Variants in RASEF observed in about 807,000 individuals in gnomAD.
RASEF encodes the protein ras and EF-hand domain-containing protein.
A neutral mutation model predicts 90.1 loss-of-function variants in RASEF; 68 were observed. That is an observed-to-expected ratio of 0.75 (90% CI 0.62 to 0.92). The LOEUF is 0.92. Ranked by LOEUF, RASEF falls within the 40% of genes least tolerant of loss-of-function variation. The pLI is 0.00. For synonymous variants in RASEF, 331 were observed against 345.2 expected, an observed-to-expected ratio of 0.96 and a Z score of 0.46; for missense variants, 949 against 937.2, an observed-to-expected ratio of 1.01 and a Z score of -0.16.
chr9:83,008,276 T>G (rs1368918724), intron 6 of RASEF, among the ~76,000 whole-genome samples: 1 of 152,224 alleles, frequency 6.6e-6, no homozygotes, highest in African/African-American at 2.4e-5. Context: ...CATTTCCTAA[T>G]TGTCTATAGG....
chr9:83,009,606 TACTC>T, intron 6 of RASEF, 31 bp downstream of exon 6: 1 of 1,251,646 alleles, frequency 8.0e-7, no homozygotes, highest in Non-Finnish European at 1.2e-6. Context: ...CTCAATATTC[TACTC>T]AAACTAACAA....
chr9:83,116,548 T>G, the RASEF span, among the ~76,000 whole-genome samples: 116 of 152,284 alleles, frequency 7.6e-4, no homozygotes, highest in Middle Eastern at 6.8e-3. Context: ...ATAATCAAAG[T>G]AGGCTGTAAG....
chr9:83,045,246 A>G (rs533781178), intron 1 of RASEF, among the ~76,000 whole-genome samples: 1 of 152,242 alleles, frequency 6.6e-6, no homozygotes, highest in African/African-American at 2.4e-5. Context: ...TCTAACTAAT[A>G]CAAGTGTCTT....
chr9:83,078,922 A>T, the RASEF span, among the ~76,000 whole-genome samples: 1 of 152,040 alleles, frequency 6.6e-6, no homozygotes, highest in Non-Finnish European at 1.5e-5. Context: ...TGTAAATTTG[A>T]TAAGTTCCTT....
chr9:83,038,227 G>C (rs1829777741), intron 1 of RASEF, among the ~76,000 whole-genome samples: 1 of 152,082 alleles, frequency 6.6e-6, no homozygotes, highest in African/African-American at 2.4e-5. Flanking sequence ...TAAAGACATA[G>C]AACCTGTGAC....
the RASEF span, among the ~76,000 whole-genome samples, chr9:83,092,003 C>CCTT: frequency 1.9e-4 from 7 of 35,926 alleles, no homozygotes; most frequent in Admixed American, 3.1e-3. Flanking sequence ...TCTTTTATTT[C>CCTT]TTTTTTTTTT....
chr9:83,101,497 TG>T, the RASEF span, among the ~76,000 whole-genome samples: 1 of 152,250 alleles, frequency 6.6e-6, no homozygotes, highest in East Asian at 1.9e-4. Flanking sequence ...TAAAGTTACT[TG>T]AACAATATTT....
chr9:83,043,286 A>G (rs1829872544), intron 1 of RASEF, among the ~76,000 whole-genome samples: 1 of 152,200 alleles, frequency 6.6e-6, no homozygotes, highest in Non-Finnish European at 1.5e-5. Context: ...ACAAGCTCAC[A>G]AACATCATGG....
chr9:83,192,030 G>C, the RASEF span, among the ~76,000 whole-genome samples: 1 of 152,096 alleles, frequency 6.6e-6, no homozygotes. Flanking sequence ...AGTCAGAATG[G>C]CCATTATTGA....
the RASEF span, among the ~76,000 whole-genome samples, chr9:83,145,266 T>C: frequency 2.0e-5 from 3 of 152,164 alleles, no homozygotes; most frequent in Non-Finnish European, 4.4e-5. Flanking sequence ...TCCATGTCTC[T>C]GGAGTGGAGT....
intron 1 of RASEF, among the ~76,000 whole-genome samples, chr9:83,045,707 T>C (rs1482510440): frequency 6.6e-6 from 1 of 152,224 alleles, no homozygotes; most frequent in Non-Finnish European, 1.5e-5. Flanking sequence ...AGGACTTCTC[T>C]GCCATAATGC....
the RASEF span, among the ~76,000 whole-genome samples, chr9:83,164,626 A>G: frequency 1.3e-5 from 2 of 151,014 alleles, no homozygotes; most frequent in Non-Finnish European, 3.0e-5. Context: ...AAAAAAAAAG[A>G]AGGCAAAACA....
the RASEF span, among the ~76,000 whole-genome samples, chr9:83,128,848 C>A: frequency 2.8e-4 from 42 of 152,266 alleles, 1 homozygote; most frequent in East Asian, 7.6e-3. Context: ...GGTAGCATGG[C>A]CGAGTGAGGC....
chr9:83,058,945 C>T (rs1830151691), intron 1 of RASEF, among the ~76,000 whole-genome samples: 2 of 152,108 alleles, frequency 1.3e-5, no homozygotes, highest in South Asian at 4.2e-4. Flanking sequence ...AAATCCTAGC[C>T]TAGCACTGCC....
At chr9:82,983,909 T>C (rs1174804577) in intron 16 of RASEF, among the ~76,000 whole-genome samples, 1 of 152,096 alleles carries the variant, frequency 6.6e-6, no homozygotes, top group Non-Finnish European at 1.5e-5. Flanking sequence ...CCGGTGGCCA[T>C]CTGACTGCAA....
chr9:83,083,037 A>G, the RASEF span, among the ~76,000 whole-genome samples: 1 of 152,310 alleles, frequency 6.6e-6, no homozygotes, highest in South Asian at 2.1e-4. Context: ...TACCTATCCA[A>G]TATGGCCCTA....
upstream of RASEF, among the ~76,000 whole-genome samples, chr9:83,066,828 C>T (rs1830285413): frequency 6.6e-6 from 1 of 152,142 alleles, no homozygotes; most frequent in Non-Finnish European, 1.5e-5. Flanking sequence ...TCGAATATTT[C>T]CTAAATGTAT....
the RASEF span, among the ~76,000 whole-genome samples, chr9:83,148,618 T>C: frequency 6.6e-6 from 1 of 152,176 alleles, no homozygotes; most frequent in East Asian, 1.9e-4. Flanking sequence ...TGACAATACA[T>C]CTCTGATATT....
intron 14 of RASEF, among the ~76,000 whole-genome samples, chr9:82,996,048 T>C (rs1313147794): frequency 1.3e-5 from 2 of 152,234 alleles, no homozygotes; most frequent in Non-Finnish European, 2.9e-5. Context: ...TAAGCCATGA[T>C]AAGTTGGTAG....
Sources: gnomAD v4.1 joint callset for allele counts (sites outside exome capture counted in the v4.1 genomes callset) on GRCh38, gnomAD v4.1.1 for gene constraint, MANE v1.5 for transcripts, NCBI Gene and HGNC (gene_info 2026-07-23, HGNC 2026-07-21) for gene names.